Variants in ACOXL observed in about 807,000 individuals in gnomAD.
ACOXL encodes the protein acyl-CoA oxidase like.
ACOXL carries 70 observed loss-of-function variants against 71.9 expected under a neutral mutation model. The observed-to-expected ratio is 0.97, with a 90% CI of 0.80 to 1.19. ACOXL has a LOEUF of 1.19. Ranked by LOEUF, ACOXL falls within the 50% of genes most tolerant of loss-of-function variation. The probability of loss-of-function intolerance (pLI) is 0.00; values close to 1 mark genes in which losing one functional copy is unlikely to be tolerated. For missense variants in ACOXL, 703 were observed against 736.3 expected, an observed-to-expected ratio of 0.95 and a Z score of 0.52; for synonymous variants, 253 against 281.6, an observed-to-expected ratio of 0.90 and a Z score of 1.02.
chr2:111,030,550 C>T (rs1190319721), intron 14 of ACOXL, among the ~76,000 whole-genome samples: 3 of 152,172 alleles, frequency 2.0e-5, no homozygotes, highest in African/African-American at 7.2e-5. Flanking sequence ...TCCACCGGAG[C>T]ACAAAGCACT....
intron 10 of ACOXL, among the ~76,000 whole-genome samples, chr2:110,895,926 T>A (rs1187313606): frequency 6.6e-6 from 1 of 152,098 alleles, no homozygotes; most frequent in Non-Finnish European, 1.5e-5. Context: ...GAAAGAACCT[T>A]GGAACCACAA....
intron 16 of ACOXL, among the ~76,000 whole-genome samples, chr2:111,074,954 T>C (rs367787064): frequency 1.3e-5 from 2 of 152,170 alleles, no homozygotes; most frequent in East Asian, 1.9e-4. Context: ...TCATGATGTA[T>C]TATTCTTTTT....
At chr2:110,794,209 A>G (rs201460950) in intron 5 of ACOXL, 35 bp downstream of exon 5, 684 of 1,597,448 alleles carry the variant, frequency 4.3e-4, no homozygotes, top group Non-Finnish European at 3.4e-4. Context: ...CGTGCAGGGG[A>G]GCTGGAAACC....
intron 10 of ACOXL, among the ~76,000 whole-genome samples, chr2:110,876,345 G>A (rs1335491492): frequency 1.3e-5 from 2 of 152,212 alleles, no homozygotes; most frequent in Non-Finnish European, 2.9e-5. Flanking sequence ...GGCTGTGCAG[G>A]TAGAGGGAGC....
At chr2:111,039,152 A>G (rs1300333191) in intron 15 of ACOXL, among the ~76,000 whole-genome samples, 2 of 152,246 alleles carry the variant, frequency 1.3e-5, no homozygotes, top group Non-Finnish European at 2.9e-5. Flanking sequence ...ATGAAGCATT[A>G]AGATGATGTA....
At chr2:110,820,772 T>C (rs1044911784) in intron 9 of ACOXL, among the ~76,000 whole-genome samples, 3 of 152,064 alleles carry the variant, frequency 2.0e-5, no homozygotes, top group African/African-American at 4.8e-5. Context: ...GGAAATTAGA[T>C]GGTTGGGTTG....
chr2:110,887,507 T>C (rs192989004), intron 10 of ACOXL: 6 of 152,394 alleles, frequency 3.9e-5, no homozygotes, highest in Non-Finnish European at 8.8e-5. Context: ...CAGACTAGAG[T>C]GTAGTGGCAT....
intron 5 of ACOXL, among the ~76,000 whole-genome samples, chr2:110,797,929 T>C (rs1685470445): frequency 6.6e-6 from 1 of 152,172 alleles, no homozygotes; most frequent in Admixed American, 6.5e-5. Flanking sequence ...CCTTTATACA[T>C]TAAAGCCAGG....
intron 15 of ACOXL, among the ~76,000 whole-genome samples, chr2:111,044,587 G>C (rs902740705): frequency 6.6e-6 from 1 of 152,230 alleles, no homozygotes; most frequent in Non-Finnish European, 1.5e-5. Context: ...AACTGTACCT[G>C]CTAACTTAGT....
At chr2:110,948,844 C>T (rs1359261196) in intron 12 of ACOXL, among the ~76,000 whole-genome samples, 1 of 151,620 alleles carries the variant, frequency 6.6e-6, no homozygotes, top group Admixed American at 6.6e-5. Flanking sequence ...CAGACTGGTG[C>T]GAGCAGAGAC....
intron 12 of ACOXL, among the ~76,000 whole-genome samples, chr2:110,986,801 A>G (rs2062954569): frequency 6.6e-6 from 1 of 152,204 alleles, no homozygotes; most frequent in African/African-American, 2.4e-5. Context: ...GAAGGCAAGC[A>G]GGTTTTACTA....
chr2:110,752,968 T>C (rs996992445), intron 1 of ACOXL, among the ~76,000 whole-genome samples: 3 of 151,952 alleles, frequency 2.0e-5, no homozygotes, highest in African/African-American at 7.3e-5. Flanking sequence ...ATTGATATAG[T>C]TTGGATGTTT....
chr2:110,735,646 C>G (rs1198851565), intron 1 of ACOXL, among the ~76,000 whole-genome samples: 2 of 152,176 alleles, frequency 1.3e-5, no homozygotes, highest in Non-Finnish European at 2.9e-5. Context: ...CTTTCTCTCT[C>G]CCAAGGATGA....
chr2:111,078,216 A>G (rs570648040), intron 16 of ACOXL, among the ~76,000 whole-genome samples: 33 of 151,946 alleles, frequency 2.2e-4, no homozygotes, highest in Middle Eastern at 6.8e-3. Context: ...TAATCAGGTT[A>G]CTTTTCAGTT....
chr2:110,845,980 T>G (rs1438945000), intron 10 of ACOXL, among the ~76,000 whole-genome samples: 1 of 152,166 alleles, frequency 6.6e-6, no homozygotes, highest in East Asian at 1.9e-4. Flanking sequence ...ATGGTAACTC[T>G]AAGTTTAAGT....
rs755541055 is a variant in ACOXL at position 110,784,785 on chromosome 2, C to T, written c.129C>T (p.Leu43=). 6 of 1,608,906 alleles carry T rather than the reference C, an allele frequency of 3.7e-6. No homozygotes were observed. Among genetic ancestry groups the T allele is most frequent in the Non-Finnish European group, 5.1e-6 (6 of 1,178,276 alleles). ...VSRSLVIGEV[L]SMADMATGVK... ...GAAGCCTTGTCATAGGAGAAGTCCT[C>T]TCCATGGCGGACATGGCCACAGGAG... The change falls in exon 3 of 18, where the codon CTC becomes CTT. Residue 43 remains leucine (L), a synonymous_variant. Coordinates refer to ENST00000439055, the MANE Select transcript of ACOXL (RefSeq NM_001142807.4).
intron 15 of ACOXL, among the ~76,000 whole-genome samples, chr2:111,044,745 G>C (rs1017055248): frequency 6.6e-6 from 1 of 152,154 alleles, no homozygotes; most frequent in Non-Finnish European, 1.5e-5. Context: ...TTGGGTGTTA[G>C]GTATCTCCCA....
intron 16 of ACOXL, among the ~76,000 whole-genome samples, chr2:111,058,255 G>C (rs895429242): frequency 1.3e-5 from 2 of 152,210 alleles, no homozygotes; most frequent in Non-Finnish European, 2.9e-5. Context: ...AGATGCTAAA[G>C]TTCCCAGGAG....
chr2:110,822,247 A>G (rs1043872942), intron 9 of ACOXL, among the ~76,000 whole-genome samples: 1 of 152,096 alleles, frequency 6.6e-6, no homozygotes, highest in South Asian at 2.1e-4. Context: ...ATATATATTC[A>G]TTTGTATCTA....
Sources: gnomAD v4.1 joint callset for allele counts (sites outside exome capture counted in the v4.1 genomes callset) on GRCh38, gnomAD v4.1.1 for gene constraint, MANE v1.5 for transcripts, NCBI Gene and HGNC (gene_info 2026-07-23, HGNC 2026-07-21) for gene names.